The following KIAA1549L variants were observed in gnomAD, a reference collection of about 807,000 sequenced individuals.
KIAA1549L encodes the protein UPF0606 protein KIAA1549L.
KIAA1549L carries 88 observed loss-of-function variants against 160.7 expected under a neutral mutation model. The ratio of observed to expected loss-of-function variants is 0.55; its 90% confidence interval spans 0.46 to 0.65. KIAA1549L has a LOEUF of 0.65. Among genes scored for constraint, KIAA1549L ranks in the 30% least tolerant of loss-of-function variants. KIAA1549L has a pLI of 0.00. For missense variants in KIAA1549L, 2,258 were observed against 2,437.5 expected (o/e 0.93, Z 1.55); for synonymous variants, 950 against 976.7 (o/e 0.97, Z 0.51).
chr11:33,391,741 G>A (rs1843106538), intron 1 of KIAA1549L, among the ~76,000 whole-genome samples: 9 of 152,160 alleles, frequency 5.9e-5, no homozygotes, highest in Admixed American at 5.9e-4. Context: ...GGGAGGAAGT[G>A]TCAACAGTGT....
chr11:33,476,037 CT>C (rs752842285), intron 1 of KIAA1549L, among the ~76,000 whole-genome samples: 7 of 152,124 alleles, frequency 4.6e-5, no homozygotes, highest in Non-Finnish European at 7.3e-5. Context: ...CACACATGAT[CT>C]TTTAAAACCT....
At chr11:33,474,375 A>G (rs1852241806) in intron 1 of KIAA1549L, among the ~76,000 whole-genome samples, 1 of 152,196 alleles carries the variant, frequency 6.6e-6, no homozygotes, top group Non-Finnish European at 1.5e-5. Context: ...TCAGTCGTAC[A>G]CTTTAGTTAT....
chr11:33,402,058 C>G (rs1211881113), intron 1 of KIAA1549L, among the ~76,000 whole-genome samples: 1 of 152,200 alleles, frequency 6.6e-6, no homozygotes, highest in Non-Finnish European at 1.5e-5. Flanking sequence ...TTCTAGCTTA[C>G]AGCATCGAGG....
intron 1 of KIAA1549L, among the ~76,000 whole-genome samples, chr11:33,470,418 T>C (rs1469782231): frequency 6.6e-6 from 1 of 152,150 alleles, no homozygotes; most frequent in Non-Finnish European, 1.5e-5. Context: ...TAGTGTATTG[T>C]AGCTTTATAG....
At chr11:33,585,821 T>C (rs1849853447) in intron 11 of KIAA1549L, among the ~76,000 whole-genome samples, 1 of 152,234 alleles carries the variant, frequency 6.6e-6, no homozygotes, top group Non-Finnish European at 1.5e-5. Flanking sequence ...TCCTTCTGCG[T>C]CCTACTCTGT....
At chr11:33,567,429 C>CT (rs1164824658) in intron 8 of KIAA1549L, among the ~76,000 whole-genome samples, 2 of 152,184 alleles carry the variant, frequency 1.3e-5, no homozygotes, top group African/African-American at 4.8e-5. Flanking sequence ...ATAGCTCACT[C>CT]TTTCCATTCA....
At position 33,522,838 on chromosome 11, in the gene KIAA1549L, G is replaced by A. The variant is rs574884978; in HGVS notation, c.239-18964G>A. Among the ~76,000 whole-genome samples, 22 of 151,784 alleles carry A rather than the reference G, an allele frequency of 1.4e-4. No individual in the cohort carries two copies. In the South Asian group the frequency reaches 4.2e-3, roughly 29 times the overall value. The stretch of plus-strand genomic sequence containing the variant: ...CTCTTGGTCCTAGGAGTTCAAGGCT[G>A]CAATGAGCTATGATTGCGCCACTAA... On this transcript the variant is annotated intron_variant, in intron 1 of 20. Coordinates refer to ENST00000658780, the MANE Select transcript of KIAA1549L (RefSeq NM_012194.3).
At chr11:33,638,660 T>C (rs1425245715) in intron 16 of KIAA1549L, among the ~76,000 whole-genome samples, 1 of 152,174 alleles carries the variant, frequency 6.6e-6, no homozygotes, top group African/African-American at 2.4e-5. Flanking sequence ...TGGATAAATA[T>C]GTAGGAGTGG....
rs1489987303 is a variant in KIAA1549L at position 33,376,956 on chromosome 11, C to CG, written c.238+67_238+68insG. The CG allele has an allele frequency of 1.3e-5, 2 of 152,264 alleles. No individual in the cohort carries two copies. Among genetic ancestry groups the CG allele is most frequent in the African/African-American group, 2.4e-5 (1 of 41,454 alleles). The allele number at this position is 152,264 out of a possible 1,614,324, so 9.4% of individuals were successfully genotyped here. The stretch of plus-strand genomic sequence containing the variant: ...GAGCGGGGCGGCGGGACGGGACCCA[C>CG]ACCTGCCCAGGTGGCGGTGGAGAGG... On this transcript the variant is annotated intron_variant, in intron 1 of 20. Coordinates refer to ENST00000658780, the MANE Select transcript of KIAA1549L (RefSeq NM_012194.3). The surrounding 1 kb of genome is among the most constrained non-coding windows in gnomAD (Gnocchi z 5.8).
Position 33,562,077 on chromosome 11 carries a change from C to G in KIAA1549L, c.4078+342C>G, listed in dbSNP as rs577259727. ...AGATGGAAAGCCTTTTTGGACTGCCCTGCAAAACCCAAATTAAAGTTAGAG... is the reference window on the plus strand; with the variant it reads ...AGATGGAAAGCCTTTTTGGACTGCCGTGCAAAACCCAAATTAAAGTTAGAG... On this transcript the variant is annotated intron_variant, in intron 8 of 20. Transcript: ENST00000658780. Among the ~76,000 whole-genome samples, 11 of 152,280 alleles carry G rather than the reference C, an allele frequency of 7.2e-5. No homozygotes were observed. The South Asian group carries it at 2.1e-3, about 29-fold the overall frequency.
intron 14 of KIAA1549L, 68 bp downstream of exon 14, chr11:33,606,890 A>C (rs750507593): frequency 6.7e-6 from 9 of 1,351,538 alleles, no homozygotes; most frequent in Non-Finnish European, 8.1e-6. Context: ...CGAAGGAACA[A>C]CACCTGTGAA....
chr11:33,382,117 A>G (rs1323485305), intron 1 of KIAA1549L, among the ~76,000 whole-genome samples: 2 of 152,198 alleles, frequency 1.3e-5, no homozygotes, highest in African/African-American at 2.4e-5. Context: ...TAAGAAACCT[A>G]GAAAGTGAGT....
At chr11:33,571,778 G>A (rs1456468415) in intron 9 of KIAA1549L, among the ~76,000 whole-genome samples, 1 of 152,082 alleles carries the variant, frequency 6.6e-6, no homozygotes, top group South Asian at 2.1e-4. Flanking sequence ...GATTTGGAGA[G>A]GACATGTATT....
intron 1 of KIAA1549L, among the ~76,000 whole-genome samples, chr11:33,527,213 C>T (rs1316753684): frequency 6.6e-6 from 1 of 151,976 alleles, no homozygotes; most frequent in African/African-American, 2.4e-5. Flanking sequence ...GAAGAGAAAT[C>T]AAAAAGTTTG....
At chr11:33,648,830 A>G (rs1050126126) in intron 17 of KIAA1549L, among the ~76,000 whole-genome samples, 3 of 152,174 alleles carry the variant, frequency 2.0e-5, no homozygotes, top group Non-Finnish European at 2.9e-5. Flanking sequence ...AAAAAAGACA[A>G]CAGGGCTAAC....
intron 13 of KIAA1549L, among the ~76,000 whole-genome samples, chr11:33,604,301 C>T (rs1334371580): frequency 6.6e-6 from 1 of 152,010 alleles, no homozygotes; most frequent in Non-Finnish European, 1.5e-5. Context: ...TGGCAAAAAC[C>T]AATAGATGTT....
intron 1 of KIAA1549L, among the ~76,000 whole-genome samples, chr11:33,489,976 G>C (rs369740088): frequency 7.2e-5 from 11 of 152,146 alleles, no homozygotes; most frequent in African/African-American, 2.4e-4. Flanking sequence ...TTTGAGATAG[G>C]TGTGACTTCT....
intron 1 of KIAA1549L, among the ~76,000 whole-genome samples, chr11:33,507,574 A>G (rs1055993524): frequency 2.0e-5 from 3 of 152,122 alleles, no homozygotes; most frequent in Admixed American, 6.6e-5. Context: ...AGCTGTCTGG[A>G]TACAGGCCGT....
intron 1 of KIAA1549L, among the ~76,000 whole-genome samples, chr11:33,468,222 G>C (rs1279537424): frequency 1.3e-5 from 2 of 152,190 alleles, no homozygotes; most frequent in Non-Finnish European, 2.9e-5. Flanking sequence ...GCTGATTTTA[G>C]CATGTTGGGA....
Sources: allele counts gnomAD v4.1 joint callset (sites outside exome capture counted in the v4.1 genomes callset), GRCh38; gene constraint gnomAD v4.1.1; non-coding constraint Gnocchi (gnomAD v3.1); transcripts MANE v1.5; gene names NCBI Gene and HGNC (gene_info 2026-07-23, HGNC 2026-07-21).